KCNMB4: variants seen among roughly 807,000 people sequenced by gnomAD.
KCNMB4 encodes the protein potassium calcium-activated channel subfamily M regulatory beta subunit 4.
In KCNMB4, 3 loss-of-function variants were observed where a neutral mutation model predicts 20.7. The observed-to-expected ratio is 0.14, with a 90% CI of 0.07 to 0.37. KCNMB4 has a LOEUF of 0.37. Among genes scored for constraint, KCNMB4 ranks in the 10% least tolerant of loss-of-function variants. KCNMB4 has a pLI of 1.00. For synonymous variants in KCNMB4, 110 were observed against 113.4 expected, an observed-to-expected ratio of 0.97 and a Z score of 0.19; for missense variants, 168 against 265.9, an observed-to-expected ratio of 0.63 and a Z score of 2.56.
chr12:70,373,180 C>T (rs919920915), intron 1 of KCNMB4, among the ~76,000 whole-genome samples: 17 of 152,082 alleles, frequency 1.1e-4, no homozygotes, highest in Non-Finnish European at 1.8e-4. Context: ...CTCCCTTCCA[C>T]GATGTCCACA....
chr12:70,416,958 T>A (rs1868928453), intron 2 of KCNMB4, among the ~76,000 whole-genome samples: 1 of 152,220 alleles, frequency 6.6e-6, no homozygotes, highest in Non-Finnish European at 1.5e-5. Flanking sequence ...AATGATGATA[T>A]TATAACAGAA....
chr12:70,399,042 A>G (rs1357207371), intron 1 of KCNMB4, among the ~76,000 whole-genome samples: 1 of 152,246 alleles, frequency 6.6e-6, no homozygotes, highest in Non-Finnish European at 1.5e-5. Flanking sequence ...GTAGGTTGAC[A>G]GCACGTGGCA....
intron 2 of KCNMB4, among the ~76,000 whole-genome samples, chr12:70,423,542 A>G (rs1204870287): frequency 6.6e-6 from 1 of 151,694 alleles, no homozygotes; most frequent in African/African-American, 2.4e-5. Flanking sequence ...ATCTTGGCTC[A>G]CTGTAGGCCC....
chr12:70,376,821 G>A (rs1402155150), intron 1 of KCNMB4, among the ~76,000 whole-genome samples: 1 of 151,064 alleles, frequency 6.6e-6, no homozygotes, highest in African/African-American at 2.4e-5. Context: ...GCAGTGAGCT[G>A]TGATCATGCC....
At chr12:70,367,203 C>T (rs1883510711) in intron 1 of KCNMB4, 133 bp downstream of exon 1, 4 of 656,810 alleles carry the variant, frequency 6.1e-6, no homozygotes, top group Non-Finnish European at 7.2e-6. Context: ...GCAGGCTGTG[C>T]TCAAACCAGG....
chr12:70,412,014 T>G (rs1472984591), intron 2 of KCNMB4, among the ~76,000 whole-genome samples: 1 of 151,964 alleles, frequency 6.6e-6, no homozygotes, highest in Non-Finnish European at 1.5e-5. Flanking sequence ...CAAGGGATGG[T>G]AGGAGCTTGG....
chr12:70,428,292 C>T (rs1176012780), intron 2 of KCNMB4, among the ~76,000 whole-genome samples: 1 of 152,198 alleles, frequency 6.6e-6, no homozygotes, highest in Non-Finnish European at 1.5e-5. Context: ...CTACGCCCAG[C>T]CATCTTAACC....
At chr12:70,369,184 A>G (rs1261897221) in intron 1 of KCNMB4, among the ~76,000 whole-genome samples, 1 of 152,230 alleles carries the variant, frequency 6.6e-6, no homozygotes, top group Non-Finnish European at 1.5e-5. Context: ...CAGCCAAACC[A>G]ATTTATATCT....
At chr12:70,394,447 A>G (rs538010732) in intron 1 of KCNMB4, among the ~76,000 whole-genome samples, 1 of 152,290 alleles carries the variant, frequency 6.6e-6, no homozygotes, top group South Asian at 2.1e-4. Flanking sequence ...CCATTTATTT[A>G]ACTCTGAATT....
intron 1 of KCNMB4, among the ~76,000 whole-genome samples, chr12:70,368,001 T>A (rs2136112220): frequency 6.6e-6 from 1 of 152,286 alleles, no homozygotes; most frequent in South Asian, 2.1e-4. Flanking sequence ...TGTGAACTAA[T>A]TGAGCTTTGT....
At chr12:70,423,044 G>A (rs911251313) in intron 2 of KCNMB4, among the ~76,000 whole-genome samples, 2 of 152,202 alleles carry the variant, frequency 1.3e-5, no homozygotes, top group African/African-American at 4.8e-5. Context: ...TTAAATGATA[G>A]TTTGTGGGAT....
At chr12:70,370,203 G>A (rs1883565562) in intron 1 of KCNMB4, among the ~76,000 whole-genome samples, 1 of 152,046 alleles carries the variant, frequency 6.6e-6, no homozygotes. Context: ...CATCTGCTGT[G>A]CAAGAAAAAC....
intron 1 of KCNMB4, among the ~76,000 whole-genome samples, chr12:70,394,258 T>TAATA (rs10693130): frequency 6.6e-6 from 1 of 151,460 alleles, no homozygotes; most frequent in Non-Finnish European, 1.5e-5. Flanking sequence ...TTCCTAGTCT[T>TAATA]AATCACACTT....
chr12:70,417,191 G>C (rs1262607232), intron 2 of KCNMB4, among the ~76,000 whole-genome samples: 1 of 152,190 alleles, frequency 6.6e-6, no homozygotes, highest in Non-Finnish European at 1.5e-5. Context: ...TTTCCTAAGA[G>C]TAAATTAGGG....
At chr12:70,405,989 C>A (rs1397617847) in intron 2 of KCNMB4, among the ~76,000 whole-genome samples, 1 of 152,086 alleles carries the variant, frequency 6.6e-6, no homozygotes, top group African/African-American at 2.4e-5. Flanking sequence ...ATGGATGAAC[C>A]TGGAGGACAT....
chr12:70,407,476 T>TTTTG, intron 2 of KCNMB4, among the ~76,000 whole-genome samples: 1 of 134,464 alleles, frequency 7.4e-6, no homozygotes, highest in East Asian at 2.2e-4. Flanking sequence ...TTTTTTTTTT[T>TTTTG]TTTTTTTTTG....
chr12:70,388,285 T>C (rs1868273145), intron 1 of KCNMB4, among the ~76,000 whole-genome samples: 1 of 152,184 alleles, frequency 6.6e-6, no homozygotes, highest in African/African-American at 2.4e-5. Flanking sequence ...CTGCAACAAA[T>C]ACAGGAGTGC....
chr12:70,430,684 C>T lies in KCNMB4; in HGVS notation c.*31C>T, dbSNP rs1381753300. On this transcript the variant is annotated 3_prime_UTR_variant, in exon 3 of 3. Coordinates refer to ENST00000258111, the MANE Select transcript of KCNMB4 (RefSeq NM_014505.6). The stretch of plus-strand genomic sequence containing the variant: ...AAGGAGGCTTGTAGAAAGCAAAGTA[C>T]AGAAGCTGTACTCATCGGCACGCGT... 2 of 1,586,250 alleles carry T rather than the reference C, an allele frequency of 1.3e-6. No individual in the cohort carries two copies. The highest frequency in any genetic ancestry group is 4.5e-5 in the East Asian group (2 of 44,426).
chr12:70,373,389 T>C (rs1593320250), intron 1 of KCNMB4, among the ~76,000 whole-genome samples: 1 of 152,176 alleles, frequency 6.6e-6, no homozygotes, highest in South Asian at 2.1e-4. Flanking sequence ...TTGAGAAAGA[T>C]CCAACCAGCC....
Sources: allele counts gnomAD v4.1 joint callset (sites outside exome capture counted in the v4.1 genomes callset), GRCh38; gene constraint gnomAD v4.1.1; transcripts MANE v1.5; gene names NCBI Gene and HGNC (gene_info 2026-07-23, HGNC 2026-07-21).